HDAC5: variants seen among roughly 807,000 people sequenced by gnomAD.
HDAC5 encodes the protein antigen NY-CO-9.
Under a neutral mutation model 133.3 loss-of-function variants are expected in HDAC5, and 25 were observed. The observed-to-expected ratio is 0.19, with a 90% CI of 0.14 to 0.26. The LOEUF is 0.26. Ranked by LOEUF, HDAC5 falls within the 10% of genes least tolerant of loss-of-function variation. HDAC5 has a pLI of 1.00. For synonymous variants in HDAC5, 589 were observed against 610.8 expected (o/e 0.96, Z 0.53); for missense variants, 1,041 against 1,460.5 (o/e 0.71, Z 4.68).
At position 44,091,271 on chromosome 17, in the gene HDAC5, A is replaced by T; in HGVS notation, c.1386T>A (p.Ala462=). ...EQARQQSTLI[A]VPLHGQSPLV... ...TTGCACAGCTACCTGTCCACTCACC[A>T]GCAATGAGGGTGCTCTGCTGCCGGG... The change falls in exon 11 of 27, where the codon GCT becomes GCA. Residue 462 remains alanine, a splice_region_variant and synonymous_variant. Transcript: ENST00000682912. 2.5e-6 allele frequency: 4 copies of T among 1,609,470 alleles called. No individual in the cohort carries two copies. The highest frequency in any genetic ancestry group is 3.4e-6 in the Non-Finnish European group (4 of 1,178,372).
At chr17:44,107,269 G>A (rs1346987668) in intron 3 of HDAC5, among the ~76,000 whole-genome samples, 1 of 152,088 alleles carries the variant, frequency 6.6e-6, no homozygotes, top group Non-Finnish European at 1.5e-5. Flanking sequence ...TAACCTCTCT[G>A]AGCCTTCTCA....
chr17:44,111,239 C>T (rs777948475), intron 2 of HDAC5: 5 of 289,066 alleles, frequency 1.7e-5, no homozygotes, highest in African/African-American at 4.3e-5. Context: ...AATGAGCCGC[C>T]GCCGGCAGCT....
At chr17:44,105,628 C>T (rs1412812612) in intron 3 of HDAC5, among the ~76,000 whole-genome samples, 1 of 152,210 alleles carries the variant, frequency 6.6e-6, no homozygotes, top group Non-Finnish European at 1.5e-5. Context: ...TGGCTGCTTG[C>T]CATAATCCCC....
intron 3 of HDAC5, among the ~76,000 whole-genome samples, chr17:44,097,184 G>C (rs2051324766): frequency 6.6e-6 from 1 of 152,248 alleles, no homozygotes; most frequent in African/African-American, 2.4e-5. Flanking sequence ...GGAGGCCGAG[G>C]CCAAGGCCAT....
chr17:44,100,357 GAGGGA>G (rs2051516397), intron 3 of HDAC5, among the ~76,000 whole-genome samples: 1 of 152,022 alleles, frequency 6.6e-6, no homozygotes, highest in Non-Finnish European at 1.5e-5. Context: ...GCCCTGGGGG[GAGGGA>G]GCTGGCACAG....
intron 3 of HDAC5, among the ~76,000 whole-genome samples, chr17:44,110,523 G>A (rs1304217257): frequency 2.6e-5 from 4 of 152,222 alleles, no homozygotes; most frequent in Admixed American, 6.5e-5. Flanking sequence ...AGAGTACAGC[G>A]GAGGGGCACC....
intron 3 of HDAC5, among the ~76,000 whole-genome samples, chr17:44,100,423 C>A (rs745540323): frequency 6.6e-6 from 1 of 151,846 alleles, no homozygotes; most frequent in Non-Finnish European, 1.5e-5. Context: ...CTCTAAAAGA[C>A]CCTGCTCCAT....
At chr17:44,118,092 G>C (rs1031564747) in intron 1 of HDAC5, among the ~76,000 whole-genome samples, 1 of 152,214 alleles carries the variant, frequency 6.6e-6, no homozygotes, top group Non-Finnish European at 1.5e-5. Context: ...GGCTGATCTA[G>C]AGTCCCTGGC....
rs1156574524 is a variant in HDAC5 at position 44,087,573 on chromosome 17, C to A, written c.1723G>T (p.Gly575Cys). 1.2e-6 allele frequency: 2 copies of A among 1,614,144 alleles called. No homozygotes were observed. The highest frequency in any genetic ancestry group is 1.7e-6 in the Non-Finnish European group (2 of 1,180,008). ...GEGALTMPRE[G>C]STESESTQED... ...TGTGTGCTCTCACTCTCTGTGGAGC[C>A]CTCCCGGGGCATGGTCAGGGCTCCC... The change falls in exon 13 of 27, where the codon GGC becomes TGC. Residue 575 changes from glycine to cysteine, a missense_variant. Physicochemically the swap from Gly to Cys is radical, Grantham distance 159. Around this residue, in one of 9 missense-constraint regions of HDAC5, gnomAD observed 433 missense variants for 531.6 expected, o/e 0.81. Transcript: ENST00000682912.
In HDAC5 at chr17:44,110,800, T is replaced by C. The variant is rs765421495; in HGVS notation, c.23A>G (p.Asp8Gly). The change falls in exon 3 of 27, where the codon GAT (aspartate) becomes GGT (glycine). Residue 8 changes from aspartate to glycine, a missense_variant and splice_region_variant. Around this residue, in one of 9 missense-constraint regions of HDAC5, gnomAD observed 93 missense variants for 98.8 expected, o/e 0.94. Coordinates refer to ENST00000682912, the MANE Select transcript of HDAC5 (RefSeq NM_005474.5). Reference sequence around the variant, plus strand: ...GGATGGTTCCCGACCTGACATCCCATCTGCTGAGAAACAGGATTCTGTCTC... The same window carrying C: ...GGATGGTTCCCGACCTGACATCCCACCTGCTGAGAAACAGGATTCTGTCTC... MNSPNES[D>G]GMSGREPSLE... 2.5e-6 allele frequency: 4 copies of C among 1,613,164 alleles called. No homozygotes were observed. Among genetic ancestry groups the C allele is most frequent in the South Asian group, 2.2e-5 (2 of 90,884 alleles).
intron 3 of HDAC5, among the ~76,000 whole-genome samples, chr17:44,101,126 C>T (rs999247754): frequency 6.7e-6 from 1 of 149,150 alleles, no homozygotes. Flanking sequence ...CCTGCTCCAG[C>T]CGGGCACAGT....
intron 3 of HDAC5, among the ~76,000 whole-genome samples, chr17:44,097,266 T>A (rs1481823752): frequency 6.6e-6 from 1 of 152,166 alleles, no homozygotes; most frequent in Non-Finnish European, 1.5e-5. Context: ...AGGTAAAAGC[T>A]CAGCATGATG....
chr17:44,087,672 G>C lies in HDAC5; in HGVS notation c.1624C>G (p.Pro542Ala), dbSNP rs2050735860. The C allele has an allele frequency of 6.2e-7, 1 of 1,604,294 alleles. No homozygotes were observed. The highest frequency in any genetic ancestry group is 8.5e-7 in the Non-Finnish European group (1 of 1,174,808). Reference sequence around the variant, plus strand: ...TCAGGGTGGGTGGTGGGCTGCCTGGGCAGCTCCCCTGTCTTGGTGAGGATC... The same window carrying C: ...TCAGGGTGGGTGGTGGGCTGCCTGGCCAGCTCCCCTGTCTTGGTGAGGATC... The part of the protein sequence containing the change: ...GKILTKTGEL[P>A]RQPTTHPEET... The change falls in exon 13 of 27, where the codon CCC (proline) becomes GCC (alanine). Residue 542 changes from proline to alanine, a missense_variant. By Grantham distance (27) the Pro-to-Ala change is conservative. Coordinates refer to ENST00000682912, the MANE Select transcript of HDAC5 (RefSeq NM_005474.5).
chr17:44,082,908 A>G (rs1240799535), intron 18 of HDAC5, 88 bp from the exon 19 acceptor site: 3 of 1,139,822 alleles, frequency 2.6e-6, no homozygotes, highest in Non-Finnish European at 3.9e-6. Context: ...CAAGCCAGGC[A>G]GGGAAGTGAA....
intron 3 of HDAC5, among the ~76,000 whole-genome samples, chr17:44,104,810 C>A (rs967219881): frequency 1.1e-5 from 1 of 95,094 alleles, no homozygotes; most frequent in Non-Finnish European, 2.4e-5. Context: ...AGCCCCACTG[C>A]AGGTGACACC....
chr17:44,083,717 G>A, intron 17 of HDAC5, 65 bp from the exon 18 acceptor site: 2 of 1,581,084 alleles, frequency 1.3e-6, no homozygotes, highest in Non-Finnish European at 1.7e-6. Flanking sequence ...AGGGCACCTG[G>A]ACAGTGGGCC....
At position 44,085,032 on chromosome 17, in the gene HDAC5, C is replaced by T; in HGVS notation, c.2174G>A (p.Ser725Asn). 1 of 1,584,642 alleles carries T rather than the reference C, an allele frequency of 6.3e-7. No homozygotes were observed. Among genetic ancestry groups the T allele is most frequent in the Middle Eastern group, 1.7e-4 (1 of 5,916 alleles). Residue 725 changes from serine to asparagine, a missense_variant, in exon 15 of 27, where the codon AGC becomes AAC. Transcript: ENST00000682912. ...WSRLQETGLL[S>N]KCERIRGRKA... ...GAGGGGCTCCCTTACCTCGCACTTG[C>T]TAAGCAGGCCTGTCTCCTGCAGCCG... is the stretch of plus-strand genomic sequence containing the variant.
At chr17:44,094,324 GA>G (rs1011816083) in intron 3 of HDAC5, among the ~76,000 whole-genome samples, 11 of 126,224 alleles carry the variant, frequency 8.7e-5, no homozygotes, top group South Asian at 2.5e-4. Context: ...ACTGTCTCCA[GA>G]AAAAAAAAAA....
intron 1 of HDAC5, among the ~76,000 whole-genome samples, chr17:44,121,352 C>A (rs189854982): frequency 6.6e-6 from 1 of 151,978 alleles, no homozygotes; most frequent in Admixed American, 6.6e-5. Context: ...GGCCCCCTCA[C>A]GGGCTACATC....
Sources: allele counts gnomAD v4.1 joint callset (sites outside exome capture counted in the v4.1 genomes callset), GRCh38; gene constraint gnomAD v4.1.1; regional missense constraint gnomAD v4.1.1; transcripts MANE v1.5; gene names NCBI Gene and HGNC (gene_info 2026-07-23, HGNC 2026-07-21).